The following SPOCK1 variants were observed in gnomAD, a reference collection of about 807,000 sequenced individuals.
The protein encoded by SPOCK1 is SPARC (osteonectin), cwcv and kazal like domains proteoglycan 1.
SPOCK1 carries 23 observed loss-of-function variants against 55.3 expected under a neutral mutation model. That is an observed-to-expected ratio of 0.42 (90% CI 0.30 to 0.59). The LOEUF (loss-of-function observed/expected upper bound fraction) is 0.59, where lower values mean the gene tolerates loss of function less well. SPOCK1 is among the 20% of genes least tolerant of loss of function. The probability of loss-of-function intolerance (pLI) is 0.22; values close to 1 mark genes in which losing one functional copy is unlikely to be tolerated. For missense variants in SPOCK1, 499 were observed against 552.5 expected, an observed-to-expected ratio of 0.90 and a Z score of 0.97; for synonymous variants, 226 against 221.0, an observed-to-expected ratio of 1.02 and a Z score of -0.20.
chr5:137,341,458 C>T (rs1674564020), intron 2 of SPOCK1, among the ~76,000 whole-genome samples: 1 of 152,188 alleles, frequency 6.6e-6, no homozygotes, highest in Non-Finnish European at 1.5e-5. Flanking sequence ...GCAGTCATGT[C>T]TCAGGTTTGA....
chr5:137,146,072 G>C (rs948188812), intron 3 of SPOCK1, among the ~76,000 whole-genome samples: 3 of 152,192 alleles, frequency 2.0e-5, no homozygotes, highest in Non-Finnish European at 2.9e-5. Flanking sequence ...CTAAAGTCGG[G>C]GGAGAGGGGC....
intron 4 of SPOCK1, among the ~76,000 whole-genome samples, chr5:137,122,257 GCA>G (rs374324093): frequency 1.6e-4 from 24 of 145,970 alleles, no homozygotes; most frequent in Admixed American, 8.8e-4. Flanking sequence ...ACACACACAC[GCA>G]CACACACACA....
chr5:137,455,874 G>A (rs1753353658), intron 2 of SPOCK1, among the ~76,000 whole-genome samples: 1 of 151,680 alleles, frequency 6.6e-6, no homozygotes, highest in Non-Finnish European at 1.5e-5. Context: ...GCAAAAAGTA[G>A]AAATAAAAAA....
chr5:137,206,380 G>T lies in SPOCK1; in HGVS notation c.232+60630C>A, dbSNP rs183957822. ...GGGTTCACCTGCCTATCTCTACCCA[G>T]CTTTCAAGTTATAGGAGCCTGCCAA... is the stretch of plus-strand genomic sequence containing the variant. On this transcript the variant is annotated intron_variant, in intron 3 of 10. Coordinates refer to ENST00000394945, the MANE Select transcript of SPOCK1 (RefSeq NM_004598.4). 4.5e-3 allele frequency among the ~76,000 whole-genome samples: 682 copies of T among 152,328 alleles called. 17 individuals are homozygous for T. Among genetic ancestry groups the T allele is most frequent in the Admixed American group, 0.026 (396 of 15,302 alleles).
intron 2 of SPOCK1, among the ~76,000 whole-genome samples, chr5:137,329,397 T>C (rs1758132127): frequency 6.6e-6 from 1 of 151,936 alleles, no homozygotes; most frequent in South Asian, 2.1e-4. Flanking sequence ...CACATACACA[T>C]CTATCTGTCT....
chr5:137,270,771 G>A (rs1186266429), intron 2 of SPOCK1, among the ~76,000 whole-genome samples: 1 of 152,182 alleles, frequency 6.6e-6, no homozygotes, highest in Admixed American at 6.5e-5. Context: ...GGGAGGCTGA[G>A]GTGGGTGGAT....
intron 2 of SPOCK1, among the ~76,000 whole-genome samples, chr5:137,380,186 G>T (rs1416809460): frequency 6.6e-6 from 1 of 152,220 alleles, no homozygotes. Context: ...CTCACTAAGG[G>T]CACAGGCAGG....
intron 3 of SPOCK1, among the ~76,000 whole-genome samples, chr5:137,190,238 GA>G (rs1561466577): frequency 6.6e-6 from 1 of 152,154 alleles, no homozygotes; most frequent in Non-Finnish European, 1.5e-5. Flanking sequence ...AAAACGCCAT[GA>G]AACAGCACAG....
At chr5:137,436,765 T>G (rs1752873766) in intron 2 of SPOCK1, among the ~76,000 whole-genome samples, 1 of 152,230 alleles carries the variant, frequency 6.6e-6, no homozygotes, top group South Asian at 2.1e-4. Flanking sequence ...TGAAGTCTCC[T>G]TTTATGTCAT....
chr5:137,360,012 G>GCCAACT (rs1580885135), intron 2 of SPOCK1, among the ~76,000 whole-genome samples: 1 of 152,166 alleles, frequency 6.6e-6, no homozygotes, highest in East Asian at 1.9e-4. Context: ...AATTAAGAGG[G>GCCAACT]CCAACTTCTA....
chr5:137,427,794 A>G (rs1752663809), intron 2 of SPOCK1, among the ~76,000 whole-genome samples: 1 of 151,910 alleles, frequency 6.6e-6, no homozygotes, highest in African/African-American at 2.4e-5. Context: ...CTGTAGTCCC[A>G]GCTACTCGGT....
At chr5:137,244,735 C>G (rs896121459) in intron 3 of SPOCK1, among the ~76,000 whole-genome samples, 1 of 152,172 alleles carries the variant, frequency 6.6e-6, no homozygotes, top group Non-Finnish European at 1.5e-5. Flanking sequence ...ATATTTATGA[C>G]TGCAAATAAC....
In SPOCK1 at chr5:137,259,365, C is replaced by T. The variant is rs1046197724; in HGVS notation, c.232+7645G>A. On this transcript the variant is annotated intron_variant, in intron 3 of 10. Coordinates refer to ENST00000394945, the MANE Select transcript of SPOCK1 (RefSeq NM_004598.4). Reference sequence around the variant, plus strand: ...GGACCTGGATGAAGCTGGAAACCATCATTCTCAGCAAACTAACACAAGAAC... The same window carrying T: ...GGACCTGGATGAAGCTGGAAACCATTATTCTCAGCAAACTAACACAAGAAC... Among the ~76,000 whole-genome samples, 4 of 152,126 alleles carry T rather than the reference C, an allele frequency of 2.6e-5. No homozygotes were observed. In the South Asian group the frequency reaches 6.2e-4, roughly 24 times the overall value.
chr5:136,987,045 CTGATT>C (rs1750856585), intron 8 of SPOCK1, among the ~76,000 whole-genome samples: 1 of 137,500 alleles, frequency 7.3e-6, no homozygotes, highest in South Asian at 2.2e-4. Context: ...AAGTCTAAAA[CTGATT>C]TATTTTATAT....
In SPOCK1 at chr5:137,071,019, CTTTTTTT is replaced by C. The variant is rs10570894; in HGVS notation, c.475-3197_475-3191del. On this transcript the variant is annotated intron_variant, in intron 5 of 10. Transcript: ENST00000394945. ...TATATGTAGCTCAAAAGGCCAATTT[CTTTTTTT>C]TTTTTTTTTTTAAAGAGACAGGGTC... Among the ~76,000 whole-genome samples the C allele has an allele frequency of 4.4e-3, 615 of 141,170 alleles. 3 individuals are homozygous for C. The highest frequency in any genetic ancestry group is 7.2e-3 in the Admixed American group (103 of 14,304). 92.6% of individuals were successfully genotyped at this position (141,170 alleles called of 152,430 possible). A position where few individuals can be genotyped will look rare whatever the true frequency, so the allele number is the denominator to read the frequency against.
At chr5:136,983,992 T>C (rs1206691391) in intron 9 of SPOCK1, among the ~76,000 whole-genome samples, 1 of 152,140 alleles carries the variant, frequency 6.6e-6, no homozygotes, top group Non-Finnish European at 1.5e-5. Context: ...TACCTGCAGA[T>C]CATAGGTACG....
At chr5:137,169,550 C>G (rs1387929323) in intron 3 of SPOCK1, among the ~76,000 whole-genome samples, 1 of 151,948 alleles carries the variant, frequency 6.6e-6, no homozygotes, top group Non-Finnish European at 1.5e-5. Context: ...ATCTAGATGC[C>G]CACATCAAGG....
chr5:137,212,508 T>C (rs1269265942), intron 3 of SPOCK1, among the ~76,000 whole-genome samples: 1 of 152,184 alleles, frequency 6.6e-6, no homozygotes, highest in Non-Finnish European at 1.5e-5. Flanking sequence ...AAGCTGAATA[T>C]GTACTATGTG....
chr5:137,420,479 G>T (rs1271871497), intron 2 of SPOCK1, among the ~76,000 whole-genome samples: 4 of 152,164 alleles, frequency 2.6e-5, no homozygotes, highest in Non-Finnish European at 5.9e-5. Context: ...TTCAGAGCCT[G>T]TTATTGGTCT....
Sources: gnomAD v4.1 joint callset for allele counts (sites outside exome capture counted in the v4.1 genomes callset) on GRCh38, gnomAD v4.1.1 for gene constraint, MANE v1.5 for transcripts, NCBI Gene and HGNC (gene_info 2026-07-23, HGNC 2026-07-21) for gene names.